The following PCDH11X variants were observed in gnomAD, a reference collection of about 807,000 sequenced individuals.
The protein encoded by PCDH11X is protocadherin-11 X-linked.
In PCDH11X, 18 loss-of-function variants were observed where a neutral mutation model predicts 53.3. The ratio of observed to expected loss-of-function variants is 0.34; its 90% CI spans 0.23 to 0.50. The LOEUF (loss-of-function observed/expected upper bound fraction) is 0.50, where lower values mean the gene tolerates loss of function less well. Ranked by LOEUF, PCDH11X falls within the 20% of genes least tolerant of loss-of-function variation. PCDH11X has a pLI of 0.98. For synonymous variants in PCDH11X, 279 were observed against 393.3 expected, an observed-to-expected ratio of 0.71 and a Z score of 3.44; for missense variants, 570 against 1,032.4, an observed-to-expected ratio of 0.55 and a Z score of 6.14.
chrX:91,828,007 A>G (rs1247873643), intron 4 of PCDH11X, among the ~76,000 whole-genome samples: 10 of 110,476 alleles, frequency 9.1e-5, no homozygotes, highest in Non-Finnish European at 1.9e-5. Context: ...ATGAATAACA[A>G]TCTGTAAATT....
At chrX:91,929,425 T>G (rs2147835439) in intron 6 of PCDH11X, among the ~76,000 whole-genome samples, 1 of 110,573 alleles carries the variant, frequency 9.0e-6, no homozygotes, top group East Asian at 2.9e-4. Flanking sequence ...TACATTTCTT[T>G]GTGTCTGTTA....
chrX:91,852,637 C>T (rs1300784381), intron 5 of PCDH11X, among the ~76,000 whole-genome samples: 5 of 111,142 alleles, frequency 4.5e-5, no homozygotes, highest in Admixed American at 1.9e-4. Flanking sequence ...TCAACCTTGG[C>T]ATTATTGACA....
chrX:92,288,363 T>C (rs2068424942), intron 8 of PCDH11X, among the ~76,000 whole-genome samples: 1 of 108,742 alleles, frequency 9.2e-6, no homozygotes, highest in Admixed American at 1.0e-4. Context: ...GACACTGAGG[T>C]CACTACAAAT....
intron 8 of PCDH11X, among the ~76,000 whole-genome samples, chrX:92,293,468 C>A (rs867163764): frequency 1.0e-4 from 11 of 109,314 alleles, no homozygotes; most frequent in Non-Finnish European, 1.5e-4. Flanking sequence ...ACAAAAAATA[C>A]AAAAAATTAG....
chrX:92,290,342 C>T lies in PCDH11X; in HGVS notation c.3144+27199C>T, dbSNP rs1298036986. Among the ~76,000 whole-genome samples, 6 of 111,252 alleles carry T rather than the reference C, an allele frequency of 5.4e-5. No homozygotes were observed. In the East Asian group the frequency reaches 1.4e-3, roughly 26 times the overall value. ...GATTCACTCGGCAGTTAAAACACAT[C>T]GTTAAAGCCATTCAATGAAATAACC... On this transcript the variant is annotated intron_variant, in intron 8 of 10. Coordinates refer to ENST00000682573, the MANE Select transcript of PCDH11X (RefSeq NM_032968.5).
chrX:92,226,752 A>G (rs2066978986), intron 7 of PCDH11X, among the ~76,000 whole-genome samples: 1 of 110,634 alleles, frequency 9.0e-6, no homozygotes. Flanking sequence ...GGGCAGGAGA[A>G]CACCAGAGAG....
intron 10 of PCDH11X, among the ~76,000 whole-genome samples, chrX:92,601,762 T>G (rs753598310): frequency 9.1e-6 from 1 of 109,825 alleles, no homozygotes; most frequent in Non-Finnish European, 1.9e-5. Context: ...TGAATCATAA[T>G]CCATATCTCG....
chrX:92,584,789 CTTTT>C (rs1171667582), intron 10 of PCDH11X, among the ~76,000 whole-genome samples: 1 of 65,111 alleles, frequency 1.5e-5, no homozygotes, highest in Admixed American at 2.1e-4. Context: ...TCTTTTTTTC[CTTTT>C]TTTTTTTTTT....
intron 9 of PCDH11X, among the ~76,000 whole-genome samples, chrX:92,395,977 A>T (rs369061309): frequency 5.3e-4 from 58 of 109,751 alleles, no homozygotes; most frequent in Middle Eastern, 4.7e-3. Flanking sequence ...CATTTTAAAA[A>T]TGCCCTGGAA....
At chrX:92,132,897 C>G (rs1486190597) in intron 6 of PCDH11X, among the ~76,000 whole-genome samples, 3 of 108,066 alleles carry the variant, frequency 2.8e-5, no homozygotes, top group African/African-American at 1.0e-4. Flanking sequence ...AATTCAAATC[C>G]TTTTCAATTA....
chrX:91,919,820 A>G (rs1569441430), intron 6 of PCDH11X, among the ~76,000 whole-genome samples: 1 of 112,100 alleles, frequency 8.9e-6, no homozygotes, highest in Admixed American at 9.5e-5. Flanking sequence ...GATAAAGATT[A>G]CTTTTATGAG....
intron 10 of PCDH11X, among the ~76,000 whole-genome samples, chrX:92,593,952 G>T (rs2148799914): frequency 1.1e-5 from 1 of 92,993 alleles, no homozygotes; most frequent in East Asian, 3.3e-4. Context: ...TGAATGCAAA[G>T]GTGAGATTTT....
At chrX:92,270,356 T>G (rs1035241605) in intron 8 of PCDH11X, among the ~76,000 whole-genome samples, 9 of 111,115 alleles carry the variant, frequency 8.1e-5, no homozygotes, top group Middle Eastern at 4.2e-3. Context: ...ACTCCTGACC[T>G]CAAGTGATCT....
intron 8 of PCDH11X, among the ~76,000 whole-genome samples, chrX:92,354,454 T>A (rs2070140990): frequency 9.2e-6 from 1 of 109,078 alleles, no homozygotes; most frequent in Non-Finnish European, 1.9e-5. Context: ...ACAAAAACCA[T>A]AGAATTTTAG....
intron 6 of PCDH11X, among the ~76,000 whole-genome samples, chrX:92,144,391 G>T (rs1478762095): frequency 9.1e-6 from 1 of 110,453 alleles, no homozygotes; most frequent in African/African-American, 3.4e-5. Flanking sequence ...GACCCAGGGG[G>T]AGATCATTGA....
At chrX:92,439,984 C>T (rs1288490099) in intron 9 of PCDH11X, among the ~76,000 whole-genome samples, 1 of 86,068 alleles carries the variant, frequency 1.2e-5, no homozygotes, top group Non-Finnish European at 2.4e-5. Flanking sequence ...GTTTTGATAG[C>T]TAGTTTTTTA....
At chrX:91,867,739 A>G (rs1000679482) in intron 5 of PCDH11X, among the ~76,000 whole-genome samples, 10 of 111,031 alleles carry the variant, frequency 9.0e-5, no homozygotes, top group Non-Finnish European at 1.7e-4. Context: ...GTTATCACTT[A>G]TCCCGGATAC....
At chrX:91,935,496 G>A (rs925529920) in intron 6 of PCDH11X, among the ~76,000 whole-genome samples, 41 of 110,301 alleles carry the variant, frequency 3.7e-4, no homozygotes, top group Non-Finnish European at 4.9e-4. Context: ...TTAATTTAAC[G>A]ATACACTTTT....
At chrX:92,200,489 T>G (rs994678891) in intron 6 of PCDH11X, among the ~76,000 whole-genome samples, 1 of 112,203 alleles carries the variant, frequency 8.9e-6, no homozygotes, top group African/African-American at 3.2e-5. Flanking sequence ...ACTTCTATGT[T>G]TATTGCAGCA....
Sources: gnomAD v4.1 joint callset for allele counts (sites outside exome capture counted in the v4.1 genomes callset) on GRCh38, gnomAD v4.1.1 for gene constraint, MANE v1.5 for transcripts, NCBI Gene and HGNC (gene_info 2026-07-23, HGNC 2026-07-21) for gene names.